The following MAN1C1 variants were observed in gnomAD, a reference collection of about 807,000 sequenced individuals.
MAN1C1 encodes mannosidase alpha class 1C member 1.
In MAN1C1, 49 loss-of-function variants were observed where a neutral mutation model predicts 71.5. The observed-to-expected ratio is 0.69, with a 90% confidence interval of 0.54 to 0.87. MAN1C1 has a LOEUF of 0.87. Among genes scored for constraint, MAN1C1 ranks in the 40% least tolerant of loss-of-function variants. The pLI is 0.00. For missense variants in MAN1C1, 743 were observed against 835.0 expected, an observed-to-expected ratio of 0.89 and a Z score of 1.36; for synonymous variants, 352 against 343.7, an observed-to-expected ratio of 1.02 and a Z score of -0.27.
intron 2 of MAN1C1, among the ~76,000 whole-genome samples, chr1:25,700,012 G>A (rs2046418056): frequency 6.6e-6 from 1 of 152,242 alleles, no homozygotes; most frequent in South Asian, 2.1e-4. Context: ...AGAGAGCCCG[G>A]AGGAAGACAA....
Position 25,763,933 on chromosome 1 carries a change from C to T in MAN1C1, c.1107C>T (p.Asn369=). The change falls in exon 7 of 12, where the codon AAC becomes AAT. Residue 369 remains asparagine, a synonymous_variant. Transcript: ENST00000374332. ...AAAAGCCCTTTGGCCTCTACCCCAA[C>T]TTCCTCAGCCCAGTGAGTGGGAACT... ...KIEKPFGLYP[N]FLSPVSGNWV... The T allele has an allele frequency of 1.2e-6, 2 of 1,613,966 alleles. No individual in the cohort carries two copies. The highest frequency in any genetic ancestry group is 1.7e-5 in the Admixed American group (1 of 60,034).
chr1:25,719,338 G>T (rs945540359), intron 2 of MAN1C1, among the ~76,000 whole-genome samples: 27 of 150,596 alleles, frequency 1.8e-4, no homozygotes, highest in Admixed American at 6.6e-4. Context: ...CTCCCAAAGT[G>T]CTGGGATTAC....
At chr1:25,767,480 C>G (rs2047450610) in intron 7 of MAN1C1, among the ~76,000 whole-genome samples, 1 of 142,988 alleles carries the variant, frequency 7.0e-6, no homozygotes, top group Admixed American at 6.9e-5. Flanking sequence ...CCACACTCCC[C>G]TCACATACAT....
intron 1 of MAN1C1, among the ~76,000 whole-genome samples, chr1:25,656,654 T>C (rs1354153872): frequency 1.3e-5 from 2 of 152,158 alleles, no homozygotes; most frequent in Non-Finnish European, 2.9e-5. Context: ...TTAAGCCTGC[T>C]TAATTGCAGT....
chr1:25,751,092 T>TTTCC (rs1233207207), intron 4 of MAN1C1, among the ~76,000 whole-genome samples: 7 of 150,926 alleles, frequency 4.6e-5, no homozygotes, highest in African/African-American at 1.7e-4. Flanking sequence ...TCCATCCATC[T>TTTCC]TTCCTTCCTT....
At chr1:25,770,768 A>G (rs2047539511) in intron 7 of MAN1C1, among the ~76,000 whole-genome samples, 1 of 130,440 alleles carries the variant, frequency 7.7e-6, no homozygotes, top group Non-Finnish European at 1.6e-5. Context: ...TGAGGAGTTG[A>G]AAACACTCTG....
At chr1:25,685,991 G>A (rs2046225231) in intron 1 of MAN1C1, among the ~76,000 whole-genome samples, 2 of 152,216 alleles carry the variant, frequency 1.3e-5, no homozygotes, top group Non-Finnish European at 2.9e-5. Flanking sequence ...GATGTTGGAT[G>A]AGTTACCTCA....
intron 7 of MAN1C1, among the ~76,000 whole-genome samples, chr1:25,768,423 C>T (rs1250625385): frequency 7.6e-6 from 1 of 131,248 alleles, no homozygotes; most frequent in Non-Finnish European, 1.6e-5. Context: ...ACACACCACA[C>T]ACAATTACAC....
At chr1:25,774,784 G>A (rs959389660) in intron 8 of MAN1C1, among the ~76,000 whole-genome samples, 1 of 151,758 alleles carries the variant, frequency 6.6e-6, no homozygotes, top group East Asian at 1.9e-4. Context: ...GGTTAGCCCT[G>A]CTCCACAAGG....
Position 25,617,740 on chromosome 1 carries a change from G to T in MAN1C1, c.-58G>T. On this transcript the variant is annotated 5_prime_UTR_variant, in exon 1 of 12. Transcript: ENST00000374332. The surrounding 1 kb of genome is among the most constrained non-coding windows in gnomAD (Gnocchi z 5.1). ...GCTCCGGACGCCCTCCCCTCACCGC[G>T]CCCCCGCAGACACGTGCCTGGACTC... 23 of 1,479,424 alleles carry T rather than the reference G, an allele frequency of 1.6e-5. No individual in the cohort carries two copies. Among genetic ancestry groups the T allele is most frequent in the Non-Finnish European group, 2.1e-5 (23 of 1,118,678 alleles). 91.6% of individuals were successfully genotyped at this position (1,479,424 alleles called of 1,614,324 possible).
Position 25,735,450 on chromosome 1 carries a change from A to T in MAN1C1, c.638-11218A>T, listed in dbSNP as rs931016228. On this transcript the variant is annotated intron_variant, in intron 2 of 11. Coordinates refer to ENST00000374332, the MANE Select transcript of MAN1C1 (RefSeq NM_020379.4). This position sits in a 1 kb window ranked among gnomAD's most constrained non-coding sequence, Gnocchi z 4.6. ...TGTATGTATGTATGTGTATGTATAT[A>T]TATATGTGTGTATCTATATATGTGT... Among the ~76,000 whole-genome samples, 9 of 152,088 alleles carry T rather than the reference A, an allele frequency of 5.9e-5. No homozygotes were observed. The highest frequency in any genetic ancestry group is 3.3e-4 in the Admixed American group (5 of 15,282).
chr1:25,664,303 A>C (rs573588239), intron 1 of MAN1C1, among the ~76,000 whole-genome samples: 1 of 151,564 alleles, frequency 6.6e-6, no homozygotes, highest in Admixed American at 6.6e-5. Flanking sequence ...CATATGAGGC[A>C]TTTGGCAATG....
intron 2 of MAN1C1, among the ~76,000 whole-genome samples, chr1:25,703,663 A>G (rs2046477373): frequency 6.6e-6 from 1 of 152,146 alleles, no homozygotes; most frequent in African/African-American, 2.4e-5. Context: ...CCTGGGCAAC[A>G]AGAGCGAAAC....
At chr1:25,760,733 T>A (rs1361623296) in intron 6 of MAN1C1, 1 of 152,226 alleles carries the variant, frequency 6.6e-6, no homozygotes, top group African/African-American at 2.4e-5. Context: ...CCCGGCCCCG[T>A]ACACACATAA....
At chr1:25,683,806 G>A (rs1339309035) in intron 1 of MAN1C1, among the ~76,000 whole-genome samples, 1 of 152,174 alleles carries the variant, frequency 6.6e-6, no homozygotes, top group Non-Finnish European at 1.5e-5. Flanking sequence ...CCTGTCCCCT[G>A]CTCACCCAGC....
chr1:25,622,296 T>G (rs2045227098), intron 1 of MAN1C1, among the ~76,000 whole-genome samples: 1 of 152,244 alleles, frequency 6.6e-6, no homozygotes, highest in African/African-American at 2.4e-5. Context: ...TTACTGGGCC[T>G]CAGTCTTCAT....
rs1449912233 is a variant in MAN1C1 at position 25,776,495 on chromosome 1, G to C, written c.1258-1610G>C. Among the ~76,000 whole-genome samples the C allele has an allele frequency of 6.6e-6, 1 of 152,226 alleles. No homozygotes were observed. Among genetic ancestry groups the C allele is most frequent in the Non-Finnish European group, 1.5e-5 (1 of 68,040 alleles). On this transcript the variant is annotated intron_variant, in intron 8 of 11. Coordinates refer to ENST00000374332, the MANE Select transcript of MAN1C1 (RefSeq NM_020379.4). The surrounding 1 kb of genome is among the most constrained non-coding windows in gnomAD (Gnocchi z 4.3). ...TTAAACTTGGGAGGCGGAGGTTGCAGTGAGCCAAGATCATGCCACTGCACT... is the reference window on the plus strand; with the variant it reads ...TTAAACTTGGGAGGCGGAGGTTGCACTGAGCCAAGATCATGCCACTGCACT...
chr1:25,732,172 G>C (rs554511214), intron 2 of MAN1C1, among the ~76,000 whole-genome samples: 2 of 152,256 alleles, frequency 1.3e-5, no homozygotes, highest in Non-Finnish European at 2.9e-5. Flanking sequence ...GGTAGTGCCT[G>C]CTGCAGGGGG....
At chr1:25,771,574 A>T in intron 7 of MAN1C1, 83 bp from the exon 8 acceptor site, 1 of 1,013,286 alleles carries the variant, frequency 9.9e-7, no homozygotes, top group Non-Finnish European at 1.5e-6. Flanking sequence ...CGGGCCCCTG[A>T]GGTCAGGCGG....
Sources: gnomAD v4.1 joint callset for allele counts (sites outside exome capture counted in the v4.1 genomes callset) on GRCh38, gnomAD v4.1.1 for gene constraint, Gnocchi (gnomAD v3.1) non-coding constraint, MANE v1.5 for transcripts, NCBI Gene and HGNC (gene_info 2026-07-23, HGNC 2026-07-21) for gene names.